The following LZTS1 variants were observed in gnomAD, a reference collection of about 807,000 sequenced individuals.
LZTS1 encodes the protein leucine zipper putative tumor suppressor 1.
In LZTS1, 31 loss-of-function variants were observed where a neutral mutation model predicts 45.8. The observed-to-expected ratio is 0.68, with a 90% CI of 0.51 to 0.91. The LOEUF (loss-of-function observed/expected upper bound fraction) is 0.91, where lower values mean the gene tolerates loss of function less well. LZTS1 is among the 40% of genes least tolerant of loss of function. The pLI, the probability that LZTS1 is intolerant of heterozygous loss-of-function variation, is 0.00. For synonymous variants in LZTS1, 359 were observed against 357.3 expected, an observed-to-expected ratio of 1.00 and a Z score of -0.05; for missense variants, 821 against 788.9, an observed-to-expected ratio of 1.04 and a Z score of -0.49.
In LZTS1 at chr8:20,272,922, G is replaced by C. The variant is rs1800501830; in HGVS notation, c.-134-17607C>G. On this transcript the variant is annotated intron_variant, in intron 1 of 3. Coordinates refer to ENST00000381569, the MANE Select transcript of LZTS1 (RefSeq NM_021020.5). Reference sequence around the variant, plus strand: ...TTCAAAAATAACATACAAGCTCCTGGACTCCATTTTCTTCTCCAGGGACCA... The same window carrying C: ...TTCAAAAATAACATACAAGCTCCTGCACTCCATTTTCTTCTCCAGGGACCA... Among the ~76,000 whole-genome samples, 2 of 152,134 alleles carry C rather than the reference G, an allele frequency of 1.3e-5. 1 individual carries two copies. Among genetic ancestry groups the C allele is most frequent in the Admixed American group, 1.3e-4 (2 of 15,286 alleles).
intron 1 of LZTS1, among the ~76,000 whole-genome samples, chr8:20,300,327 C>T (rs1801053018): frequency 6.6e-6 from 1 of 152,118 alleles, no homozygotes; most frequent in Non-Finnish European, 1.5e-5. Flanking sequence ...TGAAAGCCAA[C>T]ACTGTATTTT....
chr8:20,249,778 C>A lies in LZTS1; in HGVS notation c.1735G>T (p.Val579Phe). 6.2e-7 allele frequency: 1 copy of A among 1,613,556 alleles called. No individual in the cohort carries two copies. The highest frequency in any genetic ancestry group is 8.5e-7 in the Non-Finnish European group (1 of 1,179,994). ...RGDSAGEPLE[V>F]DLEGADIPYE... ...GGGATGTCAGCCCCTTCCAGGTCAACCTCCAAGGGCTCCCCGGCGCTGTCC... is the reference window on the plus strand; with the variant it reads ...GGGATGTCAGCCCCTTCCAGGTCAAACTCCAAGGGCTCCCCGGCGCTGTCC... The change falls in exon 4 of 4, where the codon GTT (valine) becomes TTT (phenylalanine). Residue 579 changes from valine to phenylalanine, a missense_variant. Coordinates refer to ENST00000381569, the MANE Select transcript of LZTS1 (RefSeq NM_021020.5).
intron 3 of LZTS1, among the ~76,000 whole-genome samples, chr8:20,251,160 TATAAG>T (rs1799898375): frequency 3.2e-5 from 4 of 125,704 alleles, no homozygotes; most frequent in African/African-American, 1.1e-4. Flanking sequence ...AAATATAAAG[TATAAG>T]AGTAGAGATT....
chr8:20,276,517 G>A (rs1800586721), intron 1 of LZTS1, among the ~76,000 whole-genome samples: 1 of 152,228 alleles, frequency 6.6e-6, no homozygotes, highest in Non-Finnish European at 1.5e-5. Flanking sequence ...GGCGTGCCCA[G>A]AGAGGGCATG....
chr8:20,255,105 C>G lies in LZTS1; in HGVS notation c.77G>C (p.Arg26Pro). ...GAGCTTCTTGAGGTGGGAGGACTTG[C>G]GCAGCTTGTACTGCGAAGCCCGGCA... ...KHCRASQYKL[R>P]KSSHLKKLNR... The change falls in exon 2 of 4, where the codon CGC (arginine) becomes CCC (proline). Residue 26 changes from arginine to proline, a missense_variant. Arg to Pro is a moderately radical substitution (Grantham distance 103). Transcript: ENST00000381569. 6.2e-7 allele frequency: 1 copy of G among 1,614,172 alleles called. No homozygotes were observed.
intron 1 of LZTS1, among the ~76,000 whole-genome samples, chr8:20,295,372 G>A (rs1800963446): frequency 1.3e-5 from 2 of 152,202 alleles, no homozygotes; most frequent in Admixed American, 1.3e-4. Flanking sequence ...CACTGAGATT[G>A]CAGACCAAGC....
rs1421554679 is a variant in LZTS1 at position 20,286,010 on chromosome 8, T to C, written c.-135+17730A>G. On this transcript the variant is annotated intron_variant, in intron 1 of 3. Transcript: ENST00000381569. ...CCTACCACACACGAATATTTCCAGA[T>C]GATTGTAGATACAAATGCAAAAGGT... 2.0e-5 allele frequency among the ~76,000 whole-genome samples: 3 copies of C among 152,228 alleles called. No homozygotes were observed. The East Asian group carries it at 5.8e-4, about 29-fold the overall frequency.
chr8:20,264,470 T>C (rs1344104699), intron 1 of LZTS1, among the ~76,000 whole-genome samples: 1 of 152,164 alleles, frequency 6.6e-6, no homozygotes, highest in Non-Finnish European at 1.5e-5. Context: ...AGCCAAGATA[T>C]CAAAGGAAGG....
chr8:20,274,530 G>A (rs1532444), intron 1 of LZTS1, among the ~76,000 whole-genome samples: 102,416 of 151,986 alleles, frequency 0.67, 35,054 homozygotes, highest in East Asian at 0.93. Context: ...CATTGGGTCC[G>A]AGCCTGTGGG....
intron 1 of LZTS1, among the ~76,000 whole-genome samples, chr8:20,271,552 T>A (rs541474865): frequency 1.3e-5 from 2 of 152,256 alleles, no homozygotes; most frequent in African/African-American, 4.8e-5. Context: ...CACTCCCACT[T>A]TGCTTCTGAA....
chr8:20,303,431 A>G (rs1170520907), intron 1 of LZTS1, among the ~76,000 whole-genome samples: 3 of 152,120 alleles, frequency 2.0e-5, no homozygotes, highest in Non-Finnish European at 4.4e-5. Flanking sequence ...CGTCCCCGCC[A>G]GGATCAGCAT....
At chr8:20,260,315 G>A (rs1371934649) in intron 1 of LZTS1, among the ~76,000 whole-genome samples, 1 of 152,134 alleles carries the variant, frequency 6.6e-6, no homozygotes, top group African/African-American at 2.4e-5. Context: ...TGCAAATTTA[G>A]GGTTTATTGT....
At chr8:20,293,985 G>C (rs1217980652) in intron 1 of LZTS1, among the ~76,000 whole-genome samples, 1 of 152,084 alleles carries the variant, frequency 6.6e-6, no homozygotes, top group African/African-American at 2.4e-5. Context: ...GGAAAGAACT[G>C]GGTTCCTGAG....
intron 2 of LZTS1, among the ~76,000 whole-genome samples, chr8:20,254,333 T>A (rs760816353): frequency 8.5e-5 from 13 of 152,216 alleles, no homozygotes; most frequent in Non-Finnish European, 1.9e-4. Flanking sequence ...AACTCCAGCC[T>A]GTATTCAAAG....
intron 1 of LZTS1, among the ~76,000 whole-genome samples, chr8:20,281,425 T>C (rs1442063665): frequency 1.4e-5 from 2 of 143,212 alleles, no homozygotes; most frequent in African/African-American, 5.1e-5. Flanking sequence ...AAAAAAAAAT[T>C]AGCTGCGCAT....
chr8:20,284,417 A>G (rs1477523766), intron 1 of LZTS1, among the ~76,000 whole-genome samples: 2 of 152,188 alleles, frequency 1.3e-5, no homozygotes, highest in Non-Finnish European at 1.5e-5. Flanking sequence ...AGTGTGGAAT[A>G]AGAGCTGGGA....
At chr8:20,254,335 T>C (rs1800031175) in intron 2 of LZTS1, among the ~76,000 whole-genome samples, 5 of 152,222 alleles carry the variant, frequency 3.3e-5, no homozygotes, top group African/African-American at 1.2e-4. Flanking sequence ...CTCCAGCCTG[T>C]ATTCAAAGAT....
intron 3 of LZTS1, among the ~76,000 whole-genome samples, chr8:20,251,062 T>G (rs1359534185): frequency 7.3e-6 from 1 of 137,924 alleles, no homozygotes; most frequent in Non-Finnish European, 1.6e-5. Flanking sequence ...GAGGTTATGA[T>G]AGCAAATAGC....
chr8:20,299,695 G>T (rs927633194), intron 1 of LZTS1, among the ~76,000 whole-genome samples: 4 of 152,094 alleles, frequency 2.6e-5, no homozygotes, highest in African/African-American at 9.7e-5. Context: ...CAGGGCGATG[G>T]AAAGGAGATG....
Sources: allele counts gnomAD v4.1 joint callset (sites outside exome capture counted in the v4.1 genomes callset), GRCh38; gene constraint gnomAD v4.1.1; transcripts MANE v1.5; gene names NCBI Gene and HGNC (gene_info 2026-07-23, HGNC 2026-07-21).